RYR2: variants seen among roughly 807,000 people sequenced by gnomAD.
RYR2 encodes the protein cardiac muscle ryanodine receptor-calcium release channel.
RYR2 carries 227 observed loss-of-function variants against 601.1 expected under a neutral mutation model. The ratio of observed to expected loss-of-function variants is 0.38; its 90% CI spans 0.34 to 0.42. RYR2 has a LOEUF of 0.42. RYR2 is among the 10% of genes least tolerant of loss of function. The pLI, the probability that RYR2 is intolerant of heterozygous loss-of-function variation, is 1.00. For synonymous variants in RYR2, 2,223 were observed against 2,175.1 expected, an observed-to-expected ratio of 1.02 and a Z score of -0.61; for missense variants, 4,646 against 6,156.5, an observed-to-expected ratio of 0.75 and a Z score of 8.21.
intron 24 of RYR2, among the ~76,000 whole-genome samples, chr1:237,522,496 A>ATAGG (rs956872065): frequency 1.1e-4 from 17 of 152,182 alleles, no homozygotes; most frequent in Admixed American, 3.3e-4. Context: ...TTTTACTTCT[A>ATAGG]TAGGTACTCA....
At chr1:237,823,781 T>C (rs1369010826) in intron 101 of RYR2, among the ~76,000 whole-genome samples, 1 of 152,088 alleles carries the variant, frequency 6.6e-6, no homozygotes, top group African/African-American at 2.4e-5. Flanking sequence ...GACAGACTGC[T>C]AGCCAGACTA....
intron 1 of RYR2, among the ~76,000 whole-genome samples, chr1:237,154,948 A>T (rs1163940261): frequency 1.3e-5 from 2 of 152,092 alleles, no homozygotes; most frequent in Non-Finnish European, 2.9e-5. Context: ...GAAAATAAAC[A>T]CTTTCTCATT....
chr1:237,265,591 G>A (rs1688984628), intron 1 of RYR2, among the ~76,000 whole-genome samples: 1 of 152,156 alleles, frequency 6.6e-6, no homozygotes, highest in African/African-American at 2.4e-5. Context: ...CAAAGTGCTG[G>A]GATTACAGGT....
intron 14 of RYR2, among the ~76,000 whole-genome samples, chr1:237,452,525 A>AAT (rs531204030): frequency 0.019 from 1,941 of 104,880 alleles, 55 homozygotes; most frequent in African/African-American, 0.05. Flanking sequence ...ATATATAATA[A>AAT]ATATATATAA....
chr1:237,678,712 C>T (rs955887298), intron 61 of RYR2, among the ~76,000 whole-genome samples: 1 of 152,024 alleles, frequency 6.6e-6, no homozygotes, highest in Non-Finnish European at 1.5e-5. Context: ...GTAAAGTCTC[C>T]GAATGATTTA....
chr1:237,388,212 C>G, intron 10 of RYR2, 29 bp downstream of exon 10: 1 of 1,573,642 alleles, frequency 6.4e-7, no homozygotes, highest in Non-Finnish European at 8.7e-7. Flanking sequence ...TGCATTGAGA[C>G]TTGCACTCTT....
intron 8 of RYR2, among the ~76,000 whole-genome samples, chr1:237,379,437 A>G (rs887270260): frequency 6.6e-6 from 1 of 152,228 alleles, no homozygotes; most frequent in South Asian, 2.1e-4. Context: ...ATAATCATGC[A>G]TAGTGCCAAG....
chr1:237,183,670 A>G (rs1251553563), intron 1 of RYR2, among the ~76,000 whole-genome samples: 1 of 152,248 alleles, frequency 6.6e-6, no homozygotes, highest in African/African-American at 2.4e-5. Flanking sequence ...GAACGAAAGT[A>G]AAATGTTGCA....
At chr1:237,457,939 T>C (rs1478912) in intron 16 of RYR2, among the ~76,000 whole-genome samples, 83,533 of 151,896 alleles carry the variant, frequency 0.55, 23,268 homozygotes, top group East Asian at 0.8. Context: ...CACCTTGTTG[T>C]CCCGGTATAT....
At chr1:237,693,383 T>C (rs549737146) in intron 63 of RYR2, among the ~76,000 whole-genome samples, 40 of 152,322 alleles carry the variant, frequency 2.6e-4, no homozygotes, top group African/African-American at 9.4e-4. Flanking sequence ...ATGAAATATT[T>C]GTCACTTATA....
At chr1:237,691,495 G>T (rs1297870422) in intron 63 of RYR2, among the ~76,000 whole-genome samples, 3 of 152,132 alleles carry the variant, frequency 2.0e-5, no homozygotes, top group African/African-American at 7.2e-5. Context: ...TCTGACATAT[G>T]AAATGAGGAT....
At chr1:237,656,083 C>T (rs986809463) in intron 53 of RYR2, 99 bp downstream of exon 53, 2 of 1,042,478 alleles carry the variant, frequency 1.9e-6, no homozygotes, top group East Asian at 2.8e-5. Flanking sequence ...AATACATGCC[C>T]CCTTTGAATT....
intron 1 of RYR2, among the ~76,000 whole-genome samples, chr1:237,169,344 G>T (rs1677075869): frequency 6.6e-6 from 1 of 151,548 alleles, no homozygotes; most frequent in Admixed American, 6.6e-5. Flanking sequence ...TTGTCGCCAG[G>T]CTGGAGTGCA....
intron 1 of RYR2, among the ~76,000 whole-genome samples, chr1:237,194,615 A>G (rs968713560): frequency 5.9e-5 from 9 of 152,124 alleles, no homozygotes; most frequent in Non-Finnish European, 5.9e-5. Flanking sequence ...CTGCCCACCA[A>G]TGTAGACTCT....
intron 102 of RYR2, 36 bp downstream of exon 102, chr1:237,828,481 G>T: frequency 7.1e-7 from 1 of 1,415,438 alleles, no homozygotes; most frequent in Non-Finnish European, 9.7e-7. Context: ...CTTCTTTGTT[G>T]TCCTGGGCCC....
At position 237,548,556 on chromosome 1, in the gene RYR2, G is replaced by A; in HGVS notation, c.3032G>A (p.Arg1011Gln). 1.2e-6 allele frequency: 2 copies of A among 1,613,980 alleles called. No homozygotes were observed. Among genetic ancestry groups the A allele is most frequent in the Non-Finnish European group, 1.7e-6 (2 of 1,179,874 alleles). The change falls in exon 26 of 105, where the codon CGA (arginine) becomes CAA (glutamine). Residue 1011 changes from arginine (R) to glutamine (Q), a missense_variant. Physicochemically the swap from Arg to Gln is conservative, Grantham distance 43 (BLOSUM62 1). This residue lies in a region of RYR2 where 1,807 missense variants were observed against 2,088.1 expected (regional missense o/e 0.87). Transcript: ENST00000366574. Reference sequence around the variant, plus strand: ...GCACATAATGTGTGGGCGCGGGATCGAATCCGGCAGGGCTGGACTTATGGC... The same window carrying A: ...GCACATAATGTGTGGGCGCGGGATCAAATCCGGCAGGGCTGGACTTATGGC... Reference protein sequence around the residue: ...ENAHNVWARDRIRQGWTYGIQ... With the variant: ...ENAHNVWARDQIRQGWTYGIQ...
chr1:237,086,038 A>G (rs4076466), intron 1 of RYR2, among the ~76,000 whole-genome samples: 59,036 of 152,178 alleles, frequency 0.39, 12,540 homozygotes, highest in Middle Eastern at 0.49. Context: ...TATAGGCGTG[A>G]GCCACTGCAC....
chr1:237,687,216 T>A (rs768014518), intron 62 of RYR2, among the ~76,000 whole-genome samples: 10 of 152,222 alleles, frequency 6.6e-5, no homozygotes, highest in East Asian at 1.9e-4. Flanking sequence ...TGTGCTTTTT[T>A]AACCATGTTT....
At chr1:237,597,907 G>A (rs1333402678) in intron 34 of RYR2, among the ~76,000 whole-genome samples, 2 of 152,108 alleles carry the variant, frequency 1.3e-5, no homozygotes, top group African/African-American at 4.8e-5. Flanking sequence ...TAAAAAGCAA[G>A]ACTCAACTAT....
Sources: gnomAD v4.1 joint callset for allele counts (sites outside exome capture counted in the v4.1 genomes callset) on GRCh38, gnomAD v4.1.1 for gene constraint, gnomAD v4.1.1 regional missense constraint, MANE v1.5 for transcripts, NCBI Gene and HGNC (gene_info 2026-07-23, HGNC 2026-07-21) for gene names.